Variants in ANGPT1 observed in about 807,000 individuals in gnomAD.
The protein encoded by ANGPT1 is angiopoietin-1.
Under a neutral mutation model 62.2 loss-of-function variants are expected in ANGPT1, and 17 were observed. The ratio of observed to expected loss-of-function variants is 0.27; its 90% CI spans 0.19 to 0.41. The LOEUF (loss-of-function observed/expected upper bound fraction) is 0.41. Among genes scored for constraint, ANGPT1 ranks in the 10% least tolerant of loss-of-function variants. The pLI is 1.00. For missense variants in ANGPT1, 478 were observed against 594.9 expected (o/e 0.80, Z 2.04); for synonymous variants, 199 against 198.9 (o/e 1.00, Z 0.00).
rs149930759 is a variant in ANGPT1 at position 107,370,407 on chromosome 8, A to AGAAAGAAAAGAAAGAAAGGAAG, written c.298-23311_298-23310insCTTCCTTTCTTTCTTTTCTTTC. ...AAGAAAGAAAGAAAGAAAGAAAGAA[A>AGAAAGAAAAGAAAGAAAGGAAG]GAGTCAGGGTCAGTGGCTCAGGCCT... On this transcript the variant is annotated intron_variant, in intron 1 of 8. Transcript: ENST00000517746. 7.0e-5 allele frequency among the ~76,000 whole-genome samples: 5 copies of AGAAAGAAAAGAAAGAAAGGAAG among 71,940 alleles called. 1 individual carries two copies. The highest frequency in any genetic ancestry group is 1.2e-4 in the Non-Finnish European group (4 of 32,978). 47.2% of individuals were successfully genotyped at this position (71,940 alleles called of 152,430 possible).
chr8:107,257,848 A>G (rs796114302), intron 8 of ANGPT1, among the ~76,000 whole-genome samples: 4 of 128,482 alleles, frequency 3.1e-5, no homozygotes, highest in African/African-American at 1.1e-4. Context: ...CTCTTAATAT[A>G]TCCTCTTCAG....
intron 1 of ANGPT1, among the ~76,000 whole-genome samples, chr8:107,365,856 AACACAC>A (rs10627552): frequency 0.013 from 1,874 of 147,172 alleles, 17 homozygotes; most frequent in Middle Eastern, 0.065. Flanking sequence ...AAACAAATAC[AACACAC>A]ACACACACAC....
chr8:107,468,630 C>A (rs991082865), intron 1 of ANGPT1, among the ~76,000 whole-genome samples: 2 of 151,976 alleles, frequency 1.3e-5, no homozygotes, highest in African/African-American at 4.8e-5. Flanking sequence ...TCTATTATTT[C>A]TGAAAATATA....
rs1438759115 is a variant in ANGPT1 at position 107,249,616 on chromosome 8, G to T, written c.*2239C>A. ...TTATCCTATTCTGAAACAATTAAAAGAATACACATGTTAAATTGCCATAAA... is the reference window on the plus strand; with the variant it reads ...TTATCCTATTCTGAAACAATTAAAATAATACACATGTTAAATTGCCATAAA... On this transcript the variant is annotated 3_prime_UTR_variant, in exon 9 of 9. Coordinates refer to ENST00000517746, the MANE Select transcript of ANGPT1 (RefSeq NM_001146.5). The T allele has an allele frequency of 6.6e-6, 1 of 151,908 alleles. No homozygotes were observed. The highest frequency in any genetic ancestry group is 1.5e-5 in the Non-Finnish European group (1 of 67,964). 9.4% of individuals were successfully genotyped at this position (151,908 alleles called of 1,614,324 possible).
intron 1 of ANGPT1, among the ~76,000 whole-genome samples, chr8:107,488,515 A>G (rs565533403): frequency 6.6e-6 from 1 of 152,280 alleles, no homozygotes; most frequent in East Asian, 1.9e-4. Flanking sequence ...ATCAGGTTCG[A>G]TTGCCAAGAA....
rs73311632 is a variant in ANGPT1 at position 107,322,212 on chromosome 8, T to C, written c.576-84A>G. On this transcript the variant is annotated intron_variant, in intron 3 of 8. Transcript: ENST00000517746. ...ATAATTCAATTGGTTCCTGAATTTATTTAAGATGAGAAATTTTACATTTCA... is the reference window on the plus strand; with the variant it reads ...ATAATTCAATTGGTTCCTGAATTTACTTAAGATGAGAAATTTTACATTTCA... 9.0e-4 allele frequency: 875 copies of C among 971,952 alleles called. 5 individuals are homozygous for C. The highest frequency in any genetic ancestry group is 8.4e-3 in the African/African-American group (509 of 60,400). 60.2% of individuals were successfully genotyped at this position (971,952 alleles called of 1,614,324 possible).
rs1813128303 is a variant in ANGPT1, at chr8:107,497,263, T to C, written c.296A>G (p.Lys99Arg). 4.3e-6 allele frequency: 7 copies of C among 1,612,972 alleles called. No homozygotes were observed. The Admixed American group carries it at 6.7e-5, about 15-fold the overall frequency. ...TAGAAACTGAAAGCAATCACTTACT[T>C]TTTGCAGCCACTGAGTATAATTTTC... ...VMENYTQWLQ[K>R]LENYIVENMK... Residue 99 changes from lysine to arginine, a missense_variant and splice_region_variant, in exon 1 of 9, where the codon AAA (lysine) becomes AGA (arginine). Lys to Arg is a conservative substitution (Grantham distance 26). This residue lies in a region of ANGPT1 where 343 missense variants were observed against 355.4 expected (regional missense o/e 0.97). Transcript: ENST00000517746.
intron 7 of ANGPT1, among the ~76,000 whole-genome samples, chr8:107,269,771 G>A (rs989731805): frequency 1.3e-5 from 2 of 151,790 alleles, no homozygotes; most frequent in East Asian, 1.9e-4. Context: ...AAGCAGCCAC[G>A]ACATAGAATT....
intron 1 of ANGPT1, among the ~76,000 whole-genome samples, chr8:107,393,134 T>G (rs1280871282): frequency 6.6e-6 from 1 of 152,232 alleles, no homozygotes; most frequent in Non-Finnish European, 1.5e-5. Context: ...TACTTTTTCA[T>G]GATTTTTTTC....
chr8:107,259,445 C>T (rs951095619), intron 8 of ANGPT1, among the ~76,000 whole-genome samples: 1 of 152,108 alleles, frequency 6.6e-6, no homozygotes, highest in Non-Finnish European at 1.5e-5. Flanking sequence ...GCTTTATCCC[C>T]TATTTAAGGA....
intron 1 of ANGPT1, among the ~76,000 whole-genome samples, chr8:107,444,299 G>C (rs1412960214): frequency 1.3e-5 from 2 of 152,158 alleles, no homozygotes; most frequent in Non-Finnish European, 2.9e-5. Context: ...ATTGATTTCT[G>C]AGCATCATTA....
Position 107,295,165 on chromosome 8 carries a change from T to G in ANGPT1, c.937-1128A>C, listed in dbSNP as rs1239974628. On this transcript the variant is annotated intron_variant, in intron 5 of 8. Coordinates refer to ENST00000517746, the MANE Select transcript of ANGPT1 (RefSeq NM_001146.5). The stretch of plus-strand genomic sequence containing the variant: ...CCTCAGAGTGGAAGGGTCCAAGATA[T>G]ACATGCCTACTTGTGGGCATATGAA... The G allele has an allele frequency of 2.0e-5, 3 of 152,166 alleles. No individual in the cohort carries two copies. In the East Asian group the frequency reaches 5.8e-4, roughly 29 times the overall value. 9.4% of individuals were successfully genotyped at this position (152,166 alleles called of 1,614,324 possible). A position where few individuals can be genotyped will look rare whatever the true frequency, so the allele number is the denominator to read the frequency against.
intron 7 of ANGPT1, among the ~76,000 whole-genome samples, chr8:107,282,931 A>G (rs1282973397): frequency 6.6e-6 from 1 of 151,840 alleles, no homozygotes; most frequent in African/African-American, 2.4e-5. Flanking sequence ...AGATGCCAAC[A>G]ATCCTCCTAA....
At chr8:107,420,365 T>C (rs949789773) in intron 1 of ANGPT1, among the ~76,000 whole-genome samples, 1 of 152,144 alleles carries the variant, frequency 6.6e-6, no homozygotes, top group African/African-American at 2.4e-5. Context: ...GTACCATACG[T>C]GACAAAGCCT....
At chr8:107,320,254 A>T (rs527624712) in intron 4 of ANGPT1, among the ~76,000 whole-genome samples, 3 of 152,254 alleles carry the variant, frequency 2.0e-5, no homozygotes, top group African/African-American at 7.2e-5. Flanking sequence ...TTCTAAAGTC[A>T]CATCCTCTTC....
chr8:107,297,614 TAATAG>T (rs1488249617), intron 5 of ANGPT1, among the ~76,000 whole-genome samples: 1 of 149,296 alleles, frequency 6.7e-6, no homozygotes, highest in Non-Finnish European at 1.5e-5. Context: ...TTATTATAAA[TAATAG>T]AAAATATACA....
At chr8:107,266,209 G>C (rs1813610479) in intron 7 of ANGPT1, among the ~76,000 whole-genome samples, 1 of 152,206 alleles carries the variant, frequency 6.6e-6, no homozygotes, top group Non-Finnish European at 1.5e-5. Flanking sequence ...CCAGGAGAAA[G>C]TAAGATGACA....
intron 8 of ANGPT1, among the ~76,000 whole-genome samples, chr8:107,264,014 G>C (rs1813556708): frequency 6.6e-6 from 1 of 152,124 alleles, no homozygotes; most frequent in Non-Finnish European, 1.5e-5. Flanking sequence ...TTTCACTCTT[G>C]ATGTTGGGGG....
At chr8:107,263,420 T>C (rs888125355) in intron 8 of ANGPT1, among the ~76,000 whole-genome samples, 1 of 150,700 alleles carries the variant, frequency 6.6e-6, no homozygotes, top group African/African-American at 2.4e-5. Flanking sequence ...CAAACTAACA[T>C]TATTTAATTT....
Sources: allele counts gnomAD v4.1 joint callset (sites outside exome capture counted in the v4.1 genomes callset), GRCh38; gene constraint gnomAD v4.1.1; regional missense constraint gnomAD v4.1.1; transcripts MANE v1.5; gene names NCBI Gene and HGNC (gene_info 2026-07-23, HGNC 2026-07-21).